TOX2: variants seen among roughly 807,000 people sequenced by gnomAD.
The protein encoded by TOX2 is granulosa cell HMG box 1.
In TOX2, 15 loss-of-function variants were observed where a neutral mutation model predicts 47.4. The observed-to-expected ratio is 0.32, with a 90% CI of 0.21 to 0.49. TOX2 has a LOEUF of 0.49. TOX2 is among the 20% of genes least tolerant of loss of function. The pLI is 0.99. For missense variants in TOX2, 622 were observed against 673.1 expected, an observed-to-expected ratio of 0.92 and a Z score of 0.84; for synonymous variants, 290 against 296.6, an observed-to-expected ratio of 0.98 and a Z score of 0.23.
chr20:43,987,912 CT>C (rs762084312), intron 2 of TOX2, among the ~76,000 whole-genome samples: 880 of 70,034 alleles, frequency 0.013, 5 homozygotes, highest in African/African-American at 0.044. Context: ...ATATCAACAT[CT>C]TTTTTTTTTT....
At chr20:43,966,430 A>G (rs2069854592) in intron 1 of TOX2, among the ~76,000 whole-genome samples, 1 of 151,970 alleles carries the variant, frequency 6.6e-6, no homozygotes, top group Admixed American at 6.6e-5. Context: ...AGAAAGGGAG[A>G]GTGTTCCAGG....
intron 1 of TOX2, among the ~76,000 whole-genome samples, chr20:43,967,430 C>T (rs73118278): frequency 0.066 from 9,985 of 152,096 alleles, 500 homozygotes; most frequent in African/African-American, 0.14. Context: ...CATTGCTATG[C>T]GCCTATCCAT....
Position 44,064,867 on chromosome 20 carries a change from G to A in TOX2, c.960+10G>A, listed in dbSNP as rs1242595984. On this transcript the variant is annotated intron_variant, in intron 6 of 8. Coordinates refer to ENST00000341197, the MANE Select transcript of TOX2 (RefSeq NM_001098797.2). ...TAGCCTCGTCTCCAAGGTAACACCC[G>A]GAATCTCCAGGCACAGCCCTGATCA... 1.5e-5 allele frequency: 25 copies of A among 1,613,336 alleles called. No homozygotes were observed. Among genetic ancestry groups the A allele is most frequent in the South Asian group, 9.9e-5 (9 of 91,066 alleles).
chr20:43,998,570 A>T (rs1224162675), intron 2 of TOX2, among the ~76,000 whole-genome samples: 1 of 152,150 alleles, frequency 6.6e-6, no homozygotes, highest in Non-Finnish European at 1.5e-5. Flanking sequence ...TGGTTTTATC[A>T]ATTTACATAA....
At chr20:43,970,275 T>C (rs979795947) in intron 1 of TOX2, among the ~76,000 whole-genome samples, 4 of 152,244 alleles carry the variant, frequency 2.6e-5, no homozygotes, top group Admixed American at 1.3e-4. Flanking sequence ...AAGAATATTT[T>C]CTTCATTGGA....
At chr20:43,984,642 G>T (rs147231195) in intron 2 of TOX2, among the ~76,000 whole-genome samples, 2 of 152,202 alleles carry the variant, frequency 1.3e-5, no homozygotes, top group East Asian at 1.9e-4. Flanking sequence ...GGGAATGGAT[G>T]GGGGGAGGAC....
chr20:44,027,089 C>T (rs2071079727), intron 3 of TOX2, among the ~76,000 whole-genome samples: 1 of 152,212 alleles, frequency 6.6e-6, no homozygotes, highest in Admixed American at 6.5e-5. Flanking sequence ...CATGAGCTGA[C>T]TGTTTAAATT....
chr20:43,930,271 C>A (rs1439754157), intron 1 of TOX2, among the ~76,000 whole-genome samples: 2 of 152,168 alleles, frequency 1.3e-5, no homozygotes, highest in African/African-American at 4.8e-5. Flanking sequence ...CTCACCCTCT[C>A]TGGGCCTCAC....
chr20:43,963,328 C>G (rs1457858547), intron 1 of TOX2, among the ~76,000 whole-genome samples: 1 of 152,178 alleles, frequency 6.6e-6, no homozygotes, highest in Non-Finnish European at 1.5e-5. Context: ...GGGGTGGGGA[C>G]AAGGGTCCTG....
intron 1 of TOX2, among the ~76,000 whole-genome samples, chr20:43,917,823 T>G (rs749629743): frequency 6.6e-6 from 1 of 152,166 alleles, no homozygotes; most frequent in African/African-American, 2.4e-5. Flanking sequence ...ATTAGAAAAA[T>G]AGCTTAACAG....
intron 5 of TOX2, among the ~76,000 whole-genome samples, chr20:44,057,358 C>T (rs913842487): frequency 6.6e-6 from 1 of 152,190 alleles, no homozygotes; most frequent in Non-Finnish European, 1.5e-5. Flanking sequence ...CATTACCTCT[C>T]ATGTTTCACT....
intron 3 of TOX2, among the ~76,000 whole-genome samples, chr20:44,049,258 A>G (rs948623145): frequency 2.0e-5 from 3 of 152,326 alleles, no homozygotes; most frequent in East Asian, 3.9e-4. Flanking sequence ...ATAATCACTG[A>G]TGGAATGGAA....
chr20:44,001,527 A>G (rs1166268275), intron 2 of TOX2, among the ~76,000 whole-genome samples: 1 of 152,236 alleles, frequency 6.6e-6, no homozygotes, highest in Non-Finnish European at 1.5e-5. Context: ...GTGAATTGTC[A>G]TAATTGTGTG....
chr20:43,986,269 A>G (rs2070262933), intron 2 of TOX2, among the ~76,000 whole-genome samples: 1 of 151,318 alleles, frequency 6.6e-6, no homozygotes, highest in Non-Finnish European at 1.5e-5. Context: ...GTATGTATGT[A>G]TGTATGTATG....
At chr20:43,996,046 G>C (rs1175209225) in intron 2 of TOX2, among the ~76,000 whole-genome samples, 1 of 152,176 alleles carries the variant, frequency 6.6e-6, no homozygotes, top group Non-Finnish European at 1.5e-5. Flanking sequence ...GGGATTGCTG[G>C]GTTGAATGGT....
intron 2 of TOX2, among the ~76,000 whole-genome samples, chr20:44,000,457 A>T (rs1297929968): frequency 1.3e-5 from 2 of 152,130 alleles, no homozygotes; most frequent in Non-Finnish European, 2.9e-5. Context: ...CCATTAGCTG[A>T]GGTGGAGAAG....
At chr20:43,964,053 A>G (rs1298664031) in intron 1 of TOX2, among the ~76,000 whole-genome samples, 1 of 151,974 alleles carries the variant, frequency 6.6e-6, no homozygotes, top group Non-Finnish European at 1.5e-5. Flanking sequence ...TGATAGTCAT[A>G]CCCATTTTGC....
intron 3 of TOX2, among the ~76,000 whole-genome samples, chr20:44,037,140 G>A (rs371873366): frequency 1.2e-4 from 18 of 152,254 alleles, no homozygotes; most frequent in Admixed American, 9.2e-4. Flanking sequence ...TTTTAGTAGC[G>A]ACAGGGTTTT....
At chr20:43,924,520 G>A (rs1168020504) in intron 1 of TOX2, among the ~76,000 whole-genome samples, 1 of 152,182 alleles carries the variant, frequency 6.6e-6, no homozygotes, top group Non-Finnish European at 1.5e-5. Flanking sequence ...AAGAGCCAGG[G>A]CTTTCTCTTT....
Sources: gnomAD v4.1 joint callset for allele counts (sites outside exome capture counted in the v4.1 genomes callset) on GRCh38, gnomAD v4.1.1 for gene constraint, MANE v1.5 for transcripts, NCBI Gene and HGNC (gene_info 2026-07-23, HGNC 2026-07-21) for gene names.